KIAA1328: variants seen among roughly 807,000 people sequenced by gnomAD.
The protein encoded by KIAA1328 is protein hinderin.
Under a neutral mutation model 68.1 loss-of-function variants are expected in KIAA1328, and 52 were observed. The ratio of observed to expected loss-of-function variants is 0.76; its 90% CI spans 0.61 to 0.96. The LOEUF (loss-of-function observed/expected upper bound fraction) is 0.96, where lower values mean the gene tolerates loss of function less well. Among genes scored for constraint, KIAA1328 ranks in the 40% least tolerant of loss-of-function variants. The probability of loss-of-function intolerance (pLI) is 0.00; values close to 1 mark genes in which losing one functional copy is unlikely to be tolerated. For missense variants in KIAA1328, 641 were observed against 677.6 expected, an observed-to-expected ratio of 0.95 and a Z score of 0.60; for synonymous variants, 232 against 239.4, an observed-to-expected ratio of 0.97 and a Z score of 0.28.
intron 9 of KIAA1328, among the ~76,000 whole-genome samples, chr18:37,218,939 C>G (rs548591820): frequency 4.6e-5 from 7 of 152,322 alleles, no homozygotes; most frequent in African/African-American, 1.7e-4. Flanking sequence ...TTCTCCCCAT[C>G]TTTGTGGTTT....
At chr18:36,893,347 G>A (rs1043789438) in intron 5 of KIAA1328, among the ~76,000 whole-genome samples, 2 of 151,572 alleles carry the variant, frequency 1.3e-5, no homozygotes, top group Non-Finnish European at 2.9e-5. Context: ...GACTCACTGC[G>A]GCCTGGATCT....
intron 6 of KIAA1328, among the ~76,000 whole-genome samples, chr18:37,026,272 C>T (rs1314426554): frequency 6.6e-6 from 1 of 152,122 alleles, no homozygotes; most frequent in Admixed American, 6.6e-5. Flanking sequence ...GATGGATTCA[C>T]AGCCAAATTC....
At chr18:36,873,714 G>A (rs764110862) in intron 4 of KIAA1328, among the ~76,000 whole-genome samples, 26 of 152,034 alleles carry the variant, frequency 1.7e-4, no homozygotes, top group Non-Finnish European at 3.7e-4. Context: ...TATACTTTAA[G>A]TTCTGGGATA....
chr18:37,065,563 T>A (rs1475665231), intron 6 of KIAA1328, among the ~76,000 whole-genome samples: 1 of 152,248 alleles, frequency 6.6e-6, no homozygotes, highest in African/African-American at 2.4e-5. Flanking sequence ...GGCCCTTTTT[T>A]GCTGTGCTCC....
intron 9 of KIAA1328, among the ~76,000 whole-genome samples, chr18:37,192,870 A>C (rs1285023539): frequency 6.6e-6 from 1 of 152,250 alleles, no homozygotes; most frequent in Non-Finnish European, 1.5e-5. Flanking sequence ...TGGGGATCAA[A>C]GGAGGTAATT....
rs1182886838 is a variant in KIAA1328, at chr18:36,991,953, C to T, written c.576+32518C>T. On this transcript the variant is annotated intron_variant, in intron 6 of 9. Coordinates refer to ENST00000280020, the MANE Select transcript of KIAA1328 (RefSeq NM_020776.3). ...GGGAGTTGTAGTTGTTCGGGGGCCA[C>T]CACCATAACAGACTCTCACAAATGG... 2.0e-5 allele frequency among the ~76,000 whole-genome samples: 3 copies of T among 152,136 alleles called. No homozygotes were observed. The East Asian group carries it at 5.8e-4, about 29-fold the overall frequency.
At chr18:37,192,145 T>TTTTGTGTG (rs34157700) in intron 9 of KIAA1328, among the ~76,000 whole-genome samples, 1 of 144,642 alleles carries the variant, frequency 6.9e-6, no homozygotes, top group East Asian at 2.0e-4. Flanking sequence ...AGTCAAGAAA[T>TTTTGTGTG]TGTGTGTGTG....
At chr18:36,981,065 G>T (rs1419180538) in intron 6 of KIAA1328, among the ~76,000 whole-genome samples, 2 of 152,202 alleles carry the variant, frequency 1.3e-5, no homozygotes, top group Non-Finnish European at 2.9e-5. Flanking sequence ...ATGGGCACTT[G>T]TAGAGATGGA....
intron 7 of KIAA1328, among the ~76,000 whole-genome samples, chr18:37,102,822 A>G (rs2057662305): frequency 6.6e-6 from 1 of 152,236 alleles, no homozygotes; most frequent in South Asian, 2.1e-4. Flanking sequence ...CTTTATTTAT[A>G]GAAAAACTTA....
chr18:36,869,293 A>T (rs916203372), intron 4 of KIAA1328, among the ~76,000 whole-genome samples: 2 of 152,164 alleles, frequency 1.3e-5, no homozygotes, highest in Non-Finnish European at 2.9e-5. Context: ...TTGAGTAACT[A>T]GTGTACACTT....
chr18:36,998,491 G>C (rs993600567), intron 6 of KIAA1328, among the ~76,000 whole-genome samples: 2 of 152,196 alleles, frequency 1.3e-5, no homozygotes, highest in Non-Finnish European at 2.9e-5. Flanking sequence ...GATAACCACC[G>C]ATGCAGGTGC....
chr18:37,054,294 G>T (rs1386857585), intron 6 of KIAA1328, among the ~76,000 whole-genome samples: 3 of 152,054 alleles, frequency 2.0e-5, no homozygotes, highest in African/African-American at 7.2e-5. Flanking sequence ...ATTTTACCTA[G>T]CAGTCTCACT....
chr18:37,130,017 T>G (rs2058484583), intron 7 of KIAA1328, among the ~76,000 whole-genome samples: 1 of 152,136 alleles, frequency 6.6e-6, no homozygotes, highest in South Asian at 2.1e-4. Flanking sequence ...AATGATATAA[T>G]TAGTAAAGCG....
At chr18:37,010,211 G>A (rs550927122) in intron 6 of KIAA1328, among the ~76,000 whole-genome samples, 2 of 152,090 alleles carry the variant, frequency 1.3e-5, no homozygotes, top group African/African-American at 4.8e-5. Flanking sequence ...TTGGGAGGCC[G>A]AGGCGGGCGG....
chr18:37,125,730 G>A (rs1568439252), intron 7 of KIAA1328, among the ~76,000 whole-genome samples: 1 of 152,188 alleles, frequency 6.6e-6, no homozygotes, highest in Non-Finnish European at 1.5e-5. Flanking sequence ...AATCTGAAAT[G>A]CAGAGTGGTC....
At chr18:36,915,055 G>T (rs2049632145) in intron 5 of KIAA1328, among the ~76,000 whole-genome samples, 1 of 152,132 alleles carries the variant, frequency 6.6e-6, no homozygotes, top group South Asian at 2.1e-4. Context: ...AATCTTTATG[G>T]AAAGTTAAAG....
intron 5 of KIAA1328, among the ~76,000 whole-genome samples, chr18:36,919,825 T>C (rs1157644107): frequency 6.6e-6 from 1 of 152,170 alleles, no homozygotes; most frequent in Non-Finnish European, 1.5e-5. Context: ...ATTAGTGATG[T>C]TGAACTTTTT....
chr18:37,038,111 A>G (rs1246773033), intron 6 of KIAA1328, among the ~76,000 whole-genome samples: 1 of 151,972 alleles, frequency 6.6e-6, no homozygotes, highest in South Asian at 2.1e-4. Context: ...AAAAAAAAAA[A>G]GAAAAAAGAA....
At chr18:37,160,148 C>A in intron 7 of KIAA1328, 52 bp from the exon 8 acceptor site, 2 of 1,449,910 alleles carry the variant, frequency 1.4e-6, no homozygotes, top group African/African-American at 1.4e-5. Context: ...TATCTATGTG[C>A]TCTGTGTTCC....
Sources: allele counts gnomAD v4.1 joint callset (sites outside exome capture counted in the v4.1 genomes callset), GRCh38; gene constraint gnomAD v4.1.1; transcripts MANE v1.5; gene names NCBI Gene and HGNC (gene_info 2026-07-23, HGNC 2026-07-21).